Variants in EMCN observed in about 807,000 individuals in gnomAD.
EMCN encodes the protein MUC-14.
EMCN carries 37 observed loss-of-function variants against 38.4 expected under a neutral mutation model. The observed-to-expected ratio is 0.96, with a 90% CI of 0.74 to 1.27. The LOEUF (loss-of-function observed/expected upper bound fraction) is 1.27. Ranked by LOEUF, EMCN falls within the 50% of genes most tolerant of loss-of-function variation. The probability of loss-of-function intolerance (pLI) is 0.00; values close to 1 mark genes in which losing one functional copy is unlikely to be tolerated. For missense variants in EMCN, 318 were observed against 302.8 expected (o/e 1.05, Z -0.37); for synonymous variants, 95 against 100.8 (o/e 0.94, Z 0.35).
At chr4:100,466,726 G>A (rs761232421) in intron 3 of EMCN, among the ~76,000 whole-genome samples, 4 of 152,164 alleles carry the variant, frequency 2.6e-5, no homozygotes, top group South Asian at 2.1e-4. Flanking sequence ...GTTGGTATTC[G>A]TGTTAGCATG....
chr4:100,467,515 A>G (rs903974728), intron 3 of EMCN, among the ~76,000 whole-genome samples: 1 of 151,780 alleles, frequency 6.6e-6, no homozygotes, highest in Non-Finnish European at 1.5e-5. Context: ...CGTCTCTACT[A>G]AAAATACAAA....
At chr4:100,491,415 C>A (rs544078381) in intron 1 of EMCN, among the ~76,000 whole-genome samples, 66 of 152,120 alleles carry the variant, frequency 4.3e-4, no homozygotes, top group Non-Finnish European at 6.5e-4. Flanking sequence ...ACCATCACAG[C>A]AAATTTTAGC....
At chr4:100,466,298 G>A (rs1443783053) in intron 3 of EMCN, among the ~76,000 whole-genome samples, 1 of 152,212 alleles carries the variant, frequency 6.6e-6, no homozygotes, top group Non-Finnish European at 1.5e-5. Context: ...TTAGCTGGAT[G>A]TGATGCTAGC....
intron 6 of EMCN, 55 bp downstream of exon 6, chr4:100,423,257 A>T: frequency 7.0e-7 from 1 of 1,434,308 alleles, no homozygotes; most frequent in African/African-American, 1.4e-5. Context: ...TTAGGGTTTC[A>T]GTCAAGAAAG....
At chr4:100,430,811 A>G (rs573745407) in intron 5 of EMCN, among the ~76,000 whole-genome samples, 1 of 152,278 alleles carries the variant, frequency 6.6e-6, no homozygotes, top group African/African-American at 2.4e-5. Context: ...ATACGTTGAT[A>G]TATTTCTTAT....
chr4:100,408,710 T>C (rs1726464136), intron 11 of EMCN, among the ~76,000 whole-genome samples: 1 of 152,120 alleles, frequency 6.6e-6, no homozygotes, highest in Non-Finnish European at 1.5e-5. Context: ...ACTGCAGGCC[T>C]GAGACAAGCT....
At chr4:100,409,398 A>C (rs1364862851) in intron 11 of EMCN, among the ~76,000 whole-genome samples, 1 of 152,162 alleles carries the variant, frequency 6.6e-6, no homozygotes, top group Non-Finnish European at 1.5e-5. Flanking sequence ...TCCCATACCA[A>C]CTGGGAGACT....
intron 10 of EMCN, among the ~76,000 whole-genome samples, chr4:100,415,270 C>G (rs1726692425): frequency 6.6e-6 from 1 of 152,156 alleles, no homozygotes; most frequent in African/African-American, 2.4e-5. Context: ...AATGTCTAAT[C>G]TACTCAAAAG....
intron 4 of EMCN, among the ~76,000 whole-genome samples, chr4:100,448,685 C>T (rs968405371): frequency 6.6e-6 from 1 of 152,104 alleles, no homozygotes; most frequent in African/African-American, 2.4e-5. Flanking sequence ...TCCAATGGCT[C>T]CCTATTGCTC....
intron 4 of EMCN, among the ~76,000 whole-genome samples, chr4:100,464,027 T>C (rs576672379): frequency 6.6e-6 from 1 of 152,066 alleles, no homozygotes; most frequent in Non-Finnish European, 1.5e-5. Flanking sequence ...ATTTAAAATA[T>C]TGAGGTTTCT....
chr4:100,441,921 C>T (rs1007180146), intron 5 of EMCN, among the ~76,000 whole-genome samples: 1 of 152,164 alleles, frequency 6.6e-6, no homozygotes, highest in Non-Finnish European at 1.5e-5. Context: ...GATTTACACA[C>T]CACTATTACA....
chr4:100,455,801 G>T lies in EMCN; in HGVS notation c.377-8230C>A, dbSNP rs1459081399. On this transcript the variant is annotated intron_variant, in intron 4 of 11. Coordinates refer to ENST00000296420, the MANE Select transcript of EMCN (RefSeq NM_016242.4). The stretch of plus-strand genomic sequence containing the variant: ...TTCCCTTTTGTTCGTTTTTTCTTTT[G>T]TTTTTTTTCTTGAGACAGAGTTTCA... Among the ~76,000 whole-genome samples, 4 of 150,870 alleles carry T rather than the reference G, an allele frequency of 2.7e-5. No individual in the cohort carries two copies. In the East Asian group the frequency reaches 7.8e-4, roughly 29 times the overall value.
At chr4:100,498,043 A>G (rs1052235066) in intron 1 of EMCN, among the ~76,000 whole-genome samples, 2 of 152,158 alleles carry the variant, frequency 1.3e-5, no homozygotes, top group African/African-American at 4.8e-5. Context: ...TTGGATTCTT[A>G]TTACAGCAGG....
intron 5 of EMCN, among the ~76,000 whole-genome samples, chr4:100,429,764 C>T (rs529129665): frequency 1.3e-5 from 2 of 152,138 alleles, no homozygotes; most frequent in African/African-American, 2.4e-5. Context: ...GAATGAGGCA[C>T]TGTGCTAATT....
chr4:100,475,659 C>CTGTTTTTTTTTTTTTT, intron 2 of EMCN, among the ~76,000 whole-genome samples: 1 of 60,314 alleles, frequency 1.7e-5, no homozygotes. Context: ...AATTCTAGTC[C>CTGTTTTTTTTTTTTTT]TTTTTTTTTT....
intron 1 of EMCN, among the ~76,000 whole-genome samples, chr4:100,494,010 G>C (rs969592333): frequency 6.6e-6 from 1 of 152,158 alleles, no homozygotes; most frequent in Non-Finnish European, 1.5e-5. Context: ...CCAGTTCTAA[G>C]TGCTGGGACA....
intron 10 of EMCN, among the ~76,000 whole-genome samples, chr4:100,414,337 C>G (rs1157181471): frequency 7.3e-6 from 1 of 137,548 alleles, no homozygotes; most frequent in Non-Finnish European, 1.5e-5. Flanking sequence ...TCACATTAGG[C>G]TGCTTGAGCA....
At position 100,447,402 on chromosome 4, in the gene EMCN, T is replaced by C. The variant is rs13111099; in HGVS notation, c.415+131A>G. The C allele has an allele frequency of 0.14, 95,025 of 665,412 alleles. 7,680 individuals are homozygous for C. Among genetic ancestry groups the C allele is most frequent in the Middle Eastern group, 0.19 (779 of 4,030 alleles). 41.2% of individuals were successfully genotyped at this position (665,412 alleles called of 1,614,324 possible). ...TTTTAAACTCAAGTTTTTCTAAACA[T>C]TTTATTTGTGATGTAATGTTTTCCC... On this transcript the variant is annotated intron_variant, in intron 5 of 11. Coordinates refer to ENST00000296420, the MANE Select transcript of EMCN (RefSeq NM_016242.4).
chr4:100,442,800 T>C (rs1194461276), intron 5 of EMCN, among the ~76,000 whole-genome samples: 3 of 142,516 alleles, frequency 2.1e-5, no homozygotes, highest in Non-Finnish European at 4.9e-5. Flanking sequence ...TGTCTATTTG[T>C]ATTCTCTTGA....
Sources: gnomAD v4.1 joint callset for allele counts (sites outside exome capture counted in the v4.1 genomes callset) on GRCh38, gnomAD v4.1.1 for gene constraint, MANE v1.5 for transcripts, NCBI Gene and HGNC (gene_info 2026-07-23, HGNC 2026-07-21) for gene names.